The following ALX1 variants were observed in gnomAD, a reference collection of about 807,000 sequenced individuals.
ALX1 encodes ALX homeobox 1, also known as ALX homeobox protein 1.
In ALX1, 19 loss-of-function variants were observed where a neutral mutation model predicts 31.7. The ratio of observed to expected loss-of-function variants is 0.60; its 90% confidence interval spans 0.42 to 0.88. The LOEUF is 0.88. Ranked by LOEUF, ALX1 falls within the 40% of genes least tolerant of loss-of-function variation. The pLI, the probability that ALX1 is intolerant of heterozygous loss-of-function variation, is 0.00. For missense variants in ALX1, 415 were observed against 407.8 expected (o/e 1.02, Z -0.15); for synonymous variants, 153 against 148.8 (o/e 1.03, Z -0.20).
chr12:85,296,588 AGTTCCCTGGACAGT>A (rs999973190), intron 3 of ALX1, among the ~76,000 whole-genome samples: 22 of 151,628 alleles, frequency 1.5e-4, no homozygotes, highest in Non-Finnish European at 2.8e-4. Flanking sequence ...CCCTGGACAG[AGTTCCCTGGACAGT>A]GCTTTGAACA....
At chr12:85,286,350 G>T (rs574189400) in intron 2 of ALX1, among the ~76,000 whole-genome samples, 1 of 151,956 alleles carries the variant, frequency 6.6e-6, no homozygotes, top group African/African-American at 2.4e-5. Flanking sequence ...AATTTTAAAA[G>T]ATTATGTAGG....
At chr12:85,288,593 A>G (rs932848861) in intron 3 of ALX1, among the ~76,000 whole-genome samples, 1 of 151,496 alleles carries the variant, frequency 6.6e-6, no homozygotes, top group Non-Finnish European at 1.5e-5. Context: ...ATGGTTATTA[A>G]CACTACAGTA....
chr12:85,300,619 G>A (rs1158556623), intron 3 of ALX1, among the ~76,000 whole-genome samples: 3 of 151,840 alleles, frequency 2.0e-5, no homozygotes, highest in Non-Finnish European at 2.9e-5. Flanking sequence ...TATAGGATAC[G>A]AAAAAGCAAT....
At chr12:85,293,719 G>A (rs1431279728) in intron 3 of ALX1, among the ~76,000 whole-genome samples, 1 of 151,076 alleles carries the variant, frequency 6.6e-6, no homozygotes, top group Non-Finnish European at 1.5e-5. Flanking sequence ...GTTGCAGAGT[G>A]CCAACGTTAG....
chr12:85,292,461 G>T (rs1203102771), intron 3 of ALX1, among the ~76,000 whole-genome samples: 1 of 150,942 alleles, frequency 6.6e-6, no homozygotes, highest in Non-Finnish European at 1.5e-5. Context: ...AATGTACCAA[G>T]GAATCCACAC....
rs1896708155 is a variant in ALX1, at chr12:85,283,606, C to A, written c.261C>A (p.Pro87=). ...GGATCACTAAAGTAGAAGGACAGCC[C>A]CTTCACACCGAACTGAATAGAGCTA... is the stretch of plus-strand genomic sequence containing the variant. ...NYGITKVEGQ[P]LHTELNRAMD... is the part of the protein sequence containing the mutation. Residue 87 remains proline (P), a synonymous_variant, in exon 2 of 4, where the codon CCC becomes CCA. Coordinates refer to ENST00000316824, the MANE Select transcript of ALX1 (RefSeq NM_006982.3). The A allele has an allele frequency of 2.5e-6, 4 of 1,614,076 alleles. No homozygotes were observed. The East Asian group carries it at 8.9e-5, about 36-fold the overall frequency.
At position 85,296,624 on chromosome 12, in the gene ALX1, T is replaced by C. The variant is rs532811005; in HGVS notation, c.661-4531T>C. ...CAGTGCTTTGAACACACCCCTAATATTTAAAAAAAAAGTTTCAGAGAACGT... is the reference window on the plus strand; with the variant it reads ...CAGTGCTTTGAACACACCCCTAATACTTAAAAAAAAAGTTTCAGAGAACGT... On this transcript the variant is annotated intron_variant, in intron 3 of 3. Transcript: ENST00000316824. 4.0e-5 allele frequency among the ~76,000 whole-genome samples: 6 copies of C among 151,480 alleles called. No homozygotes were observed. In the South Asian group the frequency reaches 1.2e-3, roughly 31 times the overall value.
At chr12:85,296,270 A>G (rs190156331) in intron 3 of ALX1, among the ~76,000 whole-genome samples, 2 of 151,718 alleles carry the variant, frequency 1.3e-5, no homozygotes, top group Admixed American at 6.6e-5. Flanking sequence ...ATTTATTACA[A>G]ATATATATCC....
chr12:85,287,093 T>A (rs1896758823), intron 3 of ALX1, 112 bp downstream of exon 3: 20 of 1,300,604 alleles, frequency 1.5e-5, no homozygotes, highest in Non-Finnish European at 2.1e-5. Context: ...AGAATGAAAA[T>A]CTAAGCTTCA....
chr12:85,283,967 A>T, intron 2 of ALX1, 91 bp downstream of exon 2: 1 of 1,358,908 alleles, frequency 7.4e-7, no homozygotes, highest in Non-Finnish European at 1.0e-6. Context: ...CAAAGAAACA[A>T]ACTGATTCCC....
chr12:85,287,514 G>T (rs1044019188), intron 3 of ALX1, among the ~76,000 whole-genome samples: 1 of 148,026 alleles, frequency 6.8e-6, no homozygotes. Context: ...GGTCCTGTTT[G>T]ACTTAAAACA....
chr12:85,295,006 T>C (rs550285978), intron 3 of ALX1, among the ~76,000 whole-genome samples: 85 of 151,486 alleles, frequency 5.6e-4, no homozygotes, highest in Middle Eastern at 3.4e-3. Context: ...ATTTTATATA[T>C]CACCTTAAAA....
intron 3 of ALX1, among the ~76,000 whole-genome samples, chr12:85,287,492 A>G (rs1037586062): frequency 2.0e-5 from 3 of 150,938 alleles, no homozygotes; most frequent in Non-Finnish European, 3.0e-5. Context: ...TATTCTCTAA[A>G]GGTCCACATT....
At chr12:85,283,901 T>A (rs1896714059) in intron 2 of ALX1, 25 bp downstream of exon 2, 2 of 1,611,054 alleles carry the variant, frequency 1.2e-6, no homozygotes, top group African/African-American at 1.3e-5. Context: ...GAGGCCTTGA[T>A]GGATGGGATA....
intron 2 of ALX1, 94 bp from the exon 3 acceptor site, chr12:85,286,759 C>T: frequency 8.5e-7 from 1 of 1,176,712 alleles, no homozygotes; most frequent in African/African-American, 1.6e-5. Context: ...ATTTTTTTAA[C>T]CTGGTTTACC....
intron 3 of ALX1, among the ~76,000 whole-genome samples, chr12:85,299,352 A>G (rs886643567): frequency 1.3e-5 from 2 of 151,670 alleles, no homozygotes; most frequent in African/African-American, 2.4e-5. Context: ...CACTGATACC[A>G]GTCATTATGT....
At chr12:85,280,596 G>T in intron 1 of ALX1, 109 bp downstream of exon 1, 4 of 1,223,418 alleles carry the variant, frequency 3.3e-6, no homozygotes, top group Non-Finnish European at 4.6e-6. Flanking sequence ...GGGAGCGAGG[G>T]ACCTGGAAGG....
rs564559514 is a variant in ALX1, at chr12:85,280,552, T to G, written c.226+65T>G. 22 of 1,539,742 alleles carry G rather than the reference T, an allele frequency of 1.4e-5. No homozygotes were observed. The East Asian group carries it at 4.6e-4, about 32-fold the overall frequency. On this transcript the variant is annotated intron_variant, in intron 1 of 3. Transcript: ENST00000316824. ...TCCGCAATCGAAAATGCAGGATCGGTCTGATCAGGCAGGGAGGGAGAAAGG... is the reference window on the plus strand; with the variant it reads ...TCCGCAATCGAAAATGCAGGATCGGGCTGATCAGGCAGGGAGGGAGAAAGG...
chr12:85,295,808 G>T (rs1896880118), intron 3 of ALX1, among the ~76,000 whole-genome samples: 1 of 151,548 alleles, frequency 6.6e-6, no homozygotes, highest in South Asian at 2.1e-4. Context: ...TCTATATATA[G>T]ATGAGAAGTA....
Sources: gnomAD v4.1 joint callset for allele counts (sites outside exome capture counted in the v4.1 genomes callset) on GRCh38, gnomAD v4.1.1 for gene constraint, MANE v1.5 for transcripts, NCBI Gene and HGNC (gene_info 2026-07-23, HGNC 2026-07-21) for gene names.